LDAH: variants seen among roughly 807,000 people sequenced by gnomAD.
The protein encoded by LDAH is lipid droplet-associated hydrolase.
LDAH carries 26 observed loss-of-function variants against 29.6 expected under a neutral mutation model. That is an observed-to-expected ratio of 0.88 (90% CI 0.64 to 1.22). LDAH has a LOEUF of 1.22. LDAH is among the 50% of genes most tolerant of loss of function. The probability of loss-of-function intolerance (pLI) is 0.00; values close to 1 mark genes in which losing one functional copy is unlikely to be tolerated. For missense variants in LDAH, 344 were observed against 387.3 expected (o/e 0.89, Z 0.94); for synonymous variants, 117 against 133.0 (o/e 0.88, Z 0.83).
intron 3 of LDAH, among the ~76,000 whole-genome samples, chr2:20,778,288 C>T (rs1046360945): frequency 6.6e-6 from 1 of 152,184 alleles, no homozygotes; most frequent in African/African-American, 2.4e-5. Flanking sequence ...GATATCACTT[C>T]ACAGCTCACC....
chr2:20,682,921 A>G (rs999483050), downstream of LDAH, among the ~76,000 whole-genome samples: 11 of 152,218 alleles, frequency 7.2e-5, no homozygotes, highest in Non-Finnish European at 1.5e-5. Context: ...GACACTGTGA[A>G]GGTGCTGGGG....
At chr2:20,802,009 T>TATAC (rs1671734147) in intron 1 of LDAH, among the ~76,000 whole-genome samples, 1 of 151,558 alleles carries the variant, frequency 6.6e-6, no homozygotes, top group Non-Finnish European at 1.5e-5. Flanking sequence ...TATATGTATA[T>TATAC]ATACATATAC....
chr2:20,682,608 C>T (rs1010765333), downstream of LDAH, among the ~76,000 whole-genome samples: 10 of 152,188 alleles, frequency 6.6e-5, no homozygotes, highest in African/African-American at 2.4e-4. Flanking sequence ...GGTGGAAGGG[C>T]AAGAGAGCAT....
intron 5 of LDAH, among the ~76,000 whole-genome samples, chr2:20,717,413 C>T (rs1437430099): frequency 6.6e-6 from 1 of 152,166 alleles, no homozygotes; most frequent in Non-Finnish European, 1.5e-5. Flanking sequence ...GGAAACCAAA[C>T]ATCAAGATGG....
chr2:20,711,893 C>G (rs11689006), intron 5 of LDAH, among the ~76,000 whole-genome samples: 33,668 of 152,094 alleles, frequency 0.22, 4,471 homozygotes, highest in East Asian at 0.35. Flanking sequence ...AAAGCTCAAA[C>G]AGGGCAGAGC....
chr2:20,725,028 A>G (rs985508429), intron 5 of LDAH, among the ~76,000 whole-genome samples: 11 of 152,208 alleles, frequency 7.2e-5, no homozygotes, highest in Admixed American at 3.3e-4. Flanking sequence ...CGCAATATAT[A>G]TGTGAGTTTT....
intron 4 of LDAH, among the ~76,000 whole-genome samples, chr2:20,748,821 G>A (rs1667762969): frequency 6.6e-6 from 1 of 152,172 alleles, no homozygotes; most frequent in Non-Finnish European, 1.5e-5. Context: ...TACACAGAAT[G>A]TGATAGGATG....
At chr2:20,757,919 A>ATTACATCAT in intron 4 of LDAH, among the ~76,000 whole-genome samples, 1 of 152,156 alleles carries the variant, frequency 6.6e-6, no homozygotes, top group East Asian at 1.9e-4. Flanking sequence ...TGAAACTACA[A>ATTACATCAT]TTACATCATT....
intron 6 of LDAH, among the ~76,000 whole-genome samples, chr2:20,700,835 C>T (rs1487968049): frequency 3.3e-5 from 5 of 152,102 alleles, no homozygotes; most frequent in South Asian, 2.1e-4. Context: ...TCTGGGGGAA[C>T]TAAACTTTTG....
intron 1 of LDAH, among the ~76,000 whole-genome samples, chr2:20,811,239 C>T (rs1053113781): frequency 1.3e-5 from 2 of 151,870 alleles, no homozygotes; most frequent in East Asian, 2.0e-4. Context: ...AGGATGGTGT[C>T]GATCTCCTGA....
At chr2:20,715,173 T>G (rs1254623568) in intron 5 of LDAH, among the ~76,000 whole-genome samples, 2 of 152,182 alleles carry the variant, frequency 1.3e-5, no homozygotes, top group East Asian at 3.8e-4. Context: ...ATCAAAAAGC[T>G]TATCCTCCAC....
At position 20,772,964 on chromosome 2, in the gene LDAH, A is replaced by C. The variant is rs78255739; in HGVS notation, c.468+1846T>G. Among the ~76,000 whole-genome samples the C allele has an allele frequency of 4.3e-3, 658 of 152,366 alleles. 5 individuals are homozygous for C. Among genetic ancestry groups the C allele is most frequent in the Non-Finnish European group, 7.4e-3 (502 of 68,034 alleles). ...AATCTTGGGAGAGACCCTGAAGCAGAGAATCCAGCTAAGCTGTGGCCAGAC... is the reference window on the plus strand; with the variant it reads ...AATCTTGGGAGAGACCCTGAAGCAGCGAATCCAGCTAAGCTGTGGCCAGAC... On this transcript the variant is annotated intron_variant, in intron 4 of 6. Coordinates refer to ENST00000237822, the MANE Select transcript of LDAH (RefSeq NM_021925.4).
intron 4 of LDAH, among the ~76,000 whole-genome samples, chr2:20,769,502 A>G (rs1363813430): frequency 6.6e-6 from 1 of 152,242 alleles, no homozygotes; most frequent in Non-Finnish European, 1.5e-5. Context: ...GACAGCAGAC[A>G]TGAAGGCTCA....
intron 4 of LDAH, among the ~76,000 whole-genome samples, chr2:20,764,005 T>C (rs1325111529): frequency 6.6e-6 from 1 of 151,878 alleles, no homozygotes; most frequent in African/African-American, 2.4e-5. Flanking sequence ...ACATATTAAG[T>C]CGTTTTTGAG....
chr2:20,793,671 G>A (rs1334060307), intron 2 of LDAH, among the ~76,000 whole-genome samples: 1 of 151,974 alleles, frequency 6.6e-6, no homozygotes, highest in Non-Finnish European at 1.5e-5. Context: ...CAGGGTTAAG[G>A]CATAATCAGA....
chr2:20,762,309 C>G (rs57376155), intron 4 of LDAH, among the ~76,000 whole-genome samples: 31,356 of 151,744 alleles, frequency 0.21, 3,420 homozygotes, highest in Admixed American at 0.26. Flanking sequence ...GGTATGAATA[C>G]TTTTTTAATG....
Position 20,686,940 on chromosome 2 carries a change from A to G in LDAH, c.941T>C (p.Ile314Thr), listed in dbSNP as rs1662601604. The G allele has an allele frequency of 6.2e-7, 1 of 1,613,990 alleles. No individual in the cohort carries two copies. Among genetic ancestry groups the G allele is most frequent in the African/African-American group, 1.3e-5 (1 of 75,002 alleles). ...THFNQEMADMIADSLKDDLSK... is the reference protein window; with the variant it reads ...THFNQEMADMTADSLKDDLSK... Reference sequence around the variant, plus strand: ...CAAGTCATCCTTTAGGGAGTCAGCAATCATGTCTGCCATTTCCTGGTTAAA... The same window carrying G: ...CAAGTCATCCTTTAGGGAGTCAGCAGTCATGTCTGCCATTTCCTGGTTAAA... The change falls in exon 7 of 7, where the codon ATT (isoleucine) becomes ACT (threonine). Residue 314 changes from isoleucine to threonine, a missense_variant. Transcript: ENST00000237822.
intron 5 of LDAH, among the ~76,000 whole-genome samples, chr2:20,705,602 T>C (rs1180470197): frequency 6.6e-6 from 1 of 152,212 alleles, no homozygotes; most frequent in Non-Finnish European, 1.5e-5. Flanking sequence ...TATTATTTTC[T>C]AAGAGACTAG....
At chr2:20,727,781 A>G (rs1225843516) in intron 5 of LDAH, among the ~76,000 whole-genome samples, 1 of 152,236 alleles carries the variant, frequency 6.6e-6, no homozygotes, top group African/African-American at 2.4e-5. Flanking sequence ...TTCCAGAATT[A>G]AAACTGAAGA....
Sources: gnomAD v4.1 joint callset for allele counts (sites outside exome capture counted in the v4.1 genomes callset) on GRCh38, gnomAD v4.1.1 for gene constraint, MANE v1.5 for transcripts, NCBI Gene and HGNC (gene_info 2026-07-23, HGNC 2026-07-21) for gene names.